Variants in TDRD7 observed in about 807,000 individuals in gnomAD.
TDRD7 encodes tudor domain-containing protein 7.
Under a neutral mutation model 109.8 loss-of-function variants are expected in TDRD7, and 47 were observed. The ratio of observed to expected loss-of-function variants is 0.43; its 90% CI spans 0.34 to 0.55. The LOEUF (loss-of-function observed/expected upper bound fraction) is 0.55. Among genes scored for constraint, TDRD7 ranks in the 20% least tolerant of loss-of-function variants. TDRD7 has a pLI of 0.03. For synonymous variants in TDRD7, 424 were observed against 457.3 expected (o/e 0.93, Z 0.93); for missense variants, 1,164 against 1,319.2 (o/e 0.88, Z 1.82).
rs775411557 is a variant in TDRD7 at position 97,460,467 on chromosome 9, C to G, written c.1145C>G (p.Ala382Gly). 2 of 1,614,178 alleles carry G rather than the reference C, an allele frequency of 1.2e-6. No individual in the cohort carries two copies. The highest frequency in any genetic ancestry group is 3.3e-5 in the Admixed American group (2 of 60,026). ...KFPEDALKNL[A>G]SLSDVCSIDY... is the part of the protein sequence containing the mutation. ...CCTGAGGATGCCTTAAAAAATCTTGCCTCACTTTCTGATGTATGCAGCATA... is the reference window on the plus strand; with the variant it reads ...CCTGAGGATGCCTTAAAAAATCTTGGCTCACTTTCTGATGTATGCAGCATA... Residue 382 changes from alanine to glycine, a missense_variant, in exon 7 of 17, where the codon GCC becomes GGC. Physicochemically the swap from Ala to Gly is moderately conservative, Grantham distance 60. Transcript: ENST00000355295.
chr9:97,466,268 A>G (rs1828820624), intron 8 of TDRD7, among the ~76,000 whole-genome samples: 1 of 152,188 alleles, frequency 6.6e-6, no homozygotes, highest in African/African-American at 2.4e-5. Flanking sequence ...AGGTTGCTCA[A>G]TAGGAGAGGC....
At chr9:97,432,301 G>A (rs1828118660) in intron 4 of TDRD7, 63 bp downstream of exon 4, 3 of 1,415,634 alleles carry the variant, frequency 2.1e-6, no homozygotes, top group Non-Finnish European at 3.0e-6. Context: ...ACAAATGTAT[G>A]TTCAGGTTAA....
chr9:97,470,776 G>A (rs1828897211), intron 9 of TDRD7, 107 bp downstream of exon 9: 1 of 791,648 alleles, frequency 1.3e-6, no homozygotes, highest in Admixed American at 2.1e-5. Flanking sequence ...GTTATAATGT[G>A]TTACTTCTTG....
chr9:97,435,509 A>G (rs1319776822), intron 4 of TDRD7, among the ~76,000 whole-genome samples: 3 of 151,210 alleles, frequency 2.0e-5, no homozygotes, highest in Non-Finnish European at 4.4e-5. Context: ...GGTGGTGTGC[A>G]CCTGTAGTCT....
rs770004109 is a variant in TDRD7 at position 97,441,877 on chromosome 9, T to C, written c.855+2T>C. ...GAACACTGGCCTCATATTTGCACGG[T>C]ATGTTTTTCCTTATTCCTCCCTTCT... On this transcript the variant is annotated splice_donor_variant, in intron 6 of 16. Coordinates refer to ENST00000355295, the MANE Select transcript of TDRD7 (RefSeq NM_014290.3). LOFTEE classifies it high-confidence loss of function. 1.9e-6 allele frequency: 3 copies of C among 1,612,938 alleles called. No individual in the cohort carries two copies.
At chr9:97,435,337 A>G (rs768041271) in intron 4 of TDRD7, among the ~76,000 whole-genome samples, 10 of 152,024 alleles carry the variant, frequency 6.6e-5, no homozygotes, top group Admixed American at 1.3e-4. Context: ...AAAGTTTTCA[A>G]ATTGACAGCA....
intron 6 of TDRD7, among the ~76,000 whole-genome samples, chr9:97,452,473 A>G (rs1828514853): frequency 6.6e-6 from 1 of 152,238 alleles, no homozygotes; most frequent in Non-Finnish European, 1.5e-5. Context: ...CTGTTTTGAG[A>G]TAAAAGAATA....
intron 9 of TDRD7, 88 bp downstream of exon 9, chr9:97,470,757 G>T: frequency 4.3e-6 from 4 of 941,142 alleles, no homozygotes; most frequent in Non-Finnish European, 5.1e-6. Context: ...AATGGACTAA[G>T]TATCTCATGT....
intron 16 of TDRD7, among the ~76,000 whole-genome samples, chr9:97,489,230 A>G (rs1829261792): frequency 6.6e-6 from 1 of 152,146 alleles, no homozygotes; most frequent in Admixed American, 6.5e-5. Flanking sequence ...TCCATTTCTG[A>G]TAAAGGGGTT....
chr9:97,448,386 C>T (rs1828436258), intron 6 of TDRD7, among the ~76,000 whole-genome samples: 1 of 152,152 alleles, frequency 6.6e-6, no homozygotes, highest in Non-Finnish European at 1.5e-5. Context: ...ATAGTGATGC[C>T]ATTGGGGACC....
At chr9:97,415,749 C>T (rs967222699) in intron 1 of TDRD7, among the ~76,000 whole-genome samples, 1 of 152,130 alleles carries the variant, frequency 6.6e-6, no homozygotes, top group Admixed American at 6.5e-5. Context: ...GCCAAGATTG[C>T]GCCACTGCAC....
At chr9:97,442,712 A>G (rs1177117005) in intron 6 of TDRD7, among the ~76,000 whole-genome samples, 1 of 152,224 alleles carries the variant, frequency 6.6e-6, no homozygotes, top group Non-Finnish European at 1.5e-5. Flanking sequence ...TATTTCTTTA[A>G]CATATATTTT....
intron 4 of TDRD7, among the ~76,000 whole-genome samples, chr9:97,436,371 T>C (rs1025540116): frequency 6.6e-5 from 10 of 152,168 alleles, no homozygotes; most frequent in South Asian, 2.1e-4. Flanking sequence ...ATTTTTGTCA[T>C]ATATTTTTTA....
chr9:97,456,935 T>C (rs1018772900), intron 6 of TDRD7, among the ~76,000 whole-genome samples: 2 of 152,118 alleles, frequency 1.3e-5, no homozygotes, highest in African/African-American at 4.8e-5. Context: ...AAAGGTCTAA[T>C]AATTATCTAA....
chr9:97,416,395 T>C (rs1203525207), intron 1 of TDRD7, among the ~76,000 whole-genome samples: 1 of 152,228 alleles, frequency 6.6e-6, no homozygotes, highest in Non-Finnish European at 1.5e-5. Flanking sequence ...ATTAAACATA[T>C]AACTACCAAA....
intron 6 of TDRD7, among the ~76,000 whole-genome samples, chr9:97,448,614 TA>T (rs1416480199): frequency 5.9e-5 from 9 of 152,218 alleles, no homozygotes; most frequent in African/African-American, 1.9e-4. Context: ...AAAATGGGAT[TA>T]TTTTTTGCTT....
At chr9:97,487,049 T>C (rs1829222736) in intron 15 of TDRD7, 123 bp from the exon 16 acceptor site, 1 of 1,137,258 alleles carries the variant, frequency 8.8e-7, no homozygotes, top group Non-Finnish European at 1.3e-6. Context: ...GAAAATATAG[T>C]TTTAAATTTT....
At chr9:97,494,164 G>A (rs1829355708) in intron 16 of TDRD7, among the ~76,000 whole-genome samples, 1 of 152,220 alleles carries the variant, frequency 6.6e-6, no homozygotes. Flanking sequence ...TTCAGAGATT[G>A]CAGTAAAGAC....
intron 8 of TDRD7, among the ~76,000 whole-genome samples, chr9:97,467,210 G>C (rs1208602705): frequency 6.6e-6 from 1 of 152,242 alleles, no homozygotes; most frequent in Non-Finnish European, 1.5e-5. Context: ...TTGAGGCACA[G>C]AGATTTCTTA....
Sources: allele counts gnomAD v4.1 joint callset (sites outside exome capture counted in the v4.1 genomes callset), GRCh38; gene constraint gnomAD v4.1.1; transcripts MANE v1.5; gene names NCBI Gene and HGNC (gene_info 2026-07-23, HGNC 2026-07-21).